RSF1: variants seen among roughly 807,000 people sequenced by gnomAD.
The protein encoded by RSF1 is HBV pX-associated protein 8.
RSF1 carries 13 observed loss-of-function variants against 145.2 expected under a neutral mutation model. That is an observed-to-expected ratio of 0.09 (90% CI 0.06 to 0.14). The LOEUF (loss-of-function observed/expected upper bound fraction) is 0.14, where lower values mean the gene tolerates loss of function less well. Ranked by LOEUF, RSF1 falls within the 10% of genes least tolerant of loss-of-function variation. RSF1 has a pLI of 1.00. For missense variants in RSF1, 1,517 were observed against 1,718.2 expected, an observed-to-expected ratio of 0.88 and a Z score of 2.07; for synonymous variants, 577 against 592.6, an observed-to-expected ratio of 0.97 and a Z score of 0.38.
intron 7 of RSF1, among the ~76,000 whole-genome samples, chr11:77,694,833 C>T (rs1244602821): frequency 2.6e-5 from 4 of 152,078 alleles, no homozygotes; most frequent in Admixed American, 6.5e-5. Context: ...CTTTGTCTTC[C>T]CTGACCGACA....
chr11:77,672,047 C>T lies in RSF1; in HGVS notation c.3746G>A (p.Ser1249Asn), dbSNP rs1651035935. Residue 1249 changes from serine to asparagine, a missense_variant, in exon 15 of 16, where the codon AGT (serine) becomes AAT (asparagine). By Grantham distance (46) the Ser-to-Asn change is conservative. Around this residue, in one of 12 missense-constraint regions of RSF1, gnomAD observed 240 missense variants for 231.8 expected, o/e 1.04. Transcript: ENST00000308488. Reference protein sequence around the residue: ...VHKRRLSSSESEESYLSKNSE... With the variant: ...VHKRRLSSSENEESYLSKNSE... ...ATAGGAGACCTATGCCTTACCTTCA[C>T]TCTCTGAGCTGGAAAGTCTTCGCTT... 2 of 1,609,662 alleles carry T rather than the reference C, an allele frequency of 1.2e-6. No homozygotes were observed. Among genetic ancestry groups the T allele is most frequent in the Non-Finnish European group, 1.7e-6 (2 of 1,178,968 alleles).
chr11:77,724,003 A>T (rs1369535724), intron 5 of RSF1, among the ~76,000 whole-genome samples: 2 of 152,206 alleles, frequency 1.3e-5, no homozygotes, highest in Non-Finnish European at 2.9e-5. Flanking sequence ...CTCAATCAGA[A>T]ATCAGGTTTA....
At chr11:77,759,584 T>C (rs1416293146) in intron 2 of RSF1, among the ~76,000 whole-genome samples, 1 of 152,148 alleles carries the variant, frequency 6.6e-6, no homozygotes, top group Non-Finnish European at 1.5e-5. Flanking sequence ...CTCAGGAGGC[T>C]GAGGCAGGAG....
chr11:77,872,019 G>A, the RSF1 span: 3 of 621,702 alleles, frequency 4.8e-6, no homozygotes, highest in South Asian at 3.3e-5. Context: ...GACTCATTGG[G>A]GCTCACTGCC....
At chr11:77,767,142 G>T (rs894911696) in intron 1 of RSF1, among the ~76,000 whole-genome samples, 2 of 152,122 alleles carry the variant, frequency 1.3e-5, no homozygotes, top group African/African-American at 4.8e-5. Context: ...CTATCTCATG[G>T]AATTTTGAAA....
chr11:77,830,470 C>G, the RSF1 span, among the ~76,000 whole-genome samples: 2 of 149,556 alleles, frequency 1.3e-5, no homozygotes, highest in African/African-American at 2.5e-5. Context: ...AAACTGCTGA[C>G]GACACCCACC....
chr11:77,841,050 G>A, the RSF1 span: 2 of 587,518 alleles, frequency 3.4e-6, no homozygotes, highest in East Asian at 2.8e-5. Context: ...AGACCAGTTG[G>A]CTCGCATCTG....
Position 77,805,180 on chromosome 11 carries a change from A to T in RSF1, c.187+15348T>A, listed in dbSNP as rs1390091077. Among the ~76,000 whole-genome samples, 4 of 152,226 alleles carry T rather than the reference A, an allele frequency of 2.6e-5. No individual in the cohort carries two copies. The East Asian group carries it at 7.7e-4, about 29-fold the overall frequency. ...CCTTTTTTTTGCAAATAAAAATGAC[A>T]GAATGTCTTGGCAGGGCACAGGCTC... On this transcript the variant is annotated intron_variant, in intron 1 of 15. Transcript: ENST00000308488.
chr11:77,868,664 T>C, the RSF1 span: 1 of 163,984 alleles, frequency 6.1e-6, no homozygotes. Context: ...TAATGTACAG[T>C]CCAGAGGTTT....
chr11:77,743,279 T>C (rs147277116), intron 3 of RSF1, among the ~76,000 whole-genome samples: 121 of 152,314 alleles, frequency 7.9e-4, no homozygotes, highest in African/African-American at 2.7e-3. Flanking sequence ...AACAATGCCA[T>C]TGGAATTTGA....
chr11:77,831,862 ATTTTTT>A, the RSF1 span: 22 of 80,814 alleles, frequency 2.7e-4, 1 homozygote, highest in South Asian at 7.5e-3. Context: ...TGCCTGGCTA[ATTTTTT>A]TTTTTTTTTT....
At position 77,698,782 on chromosome 11, in the gene RSF1, T is replaced by G. The variant is rs1460482399; in HGVS notation, c.2509-89A>C. The G allele has an allele frequency of 3.7e-6, 4 of 1,093,666 alleles. No individual in the cohort carries two copies. The Admixed American group carries it at 7.9e-5, about 22-fold the overall frequency. 67.7% of individuals were successfully genotyped at this position (1,093,666 alleles called of 1,614,324 possible). A position where few individuals can be genotyped will look rare whatever the true frequency, so the allele number is the denominator to read the frequency against. ...TTACATGTCCATTGTATAATAATAT[T>G]CAGCCAATATACCAAAAAAAGAGGA... On this transcript the variant is annotated intron_variant, in intron 6 of 15. Transcript: ENST00000308488.
chr11:77,714,062 A>G (rs936004197), intron 5 of RSF1, among the ~76,000 whole-genome samples: 3 of 152,344 alleles, frequency 2.0e-5, no homozygotes, highest in Admixed American at 1.3e-4. Flanking sequence ...GAAATACTCA[A>G]ATTAAAGCAA....
At chr11:77,825,424 A>G (rs1435692712), upstream of RSF1, among the ~76,000 whole-genome samples, 1 of 152,222 alleles carries the variant, frequency 6.6e-6, no homozygotes. Flanking sequence ...AAGCTAAAAC[A>G]AGCTGCGCAC....
chr11:77,734,550 C>T (rs1277266475), intron 4 of RSF1: 1 of 1,557,250 alleles, frequency 6.4e-7, no homozygotes, highest in African/African-American at 1.4e-5. Context: ...CGAGTGCTCC[C>T]ATCTTGTGCA....
At chr11:77,716,619 G>C (rs1424404454) in intron 5 of RSF1, among the ~76,000 whole-genome samples, 1 of 152,098 alleles carries the variant, frequency 6.6e-6, no homozygotes, top group Non-Finnish European at 1.5e-5. Flanking sequence ...TGAAGGTGTG[G>C]GGAGATGCTG....
chr11:77,728,866 T>TAAA (rs550635070), intron 4 of RSF1, among the ~76,000 whole-genome samples: 2,601 of 144,014 alleles, frequency 0.018, 65 homozygotes, highest in African/African-American at 0.061. Flanking sequence ...GCATAACTTG[T>TAAA]AAAAAAAAAA....
Position 77,702,216 on chromosome 11 carries a change from C to T in RSF1, c.1013G>A (p.Ser338Asn). 1.2e-6 allele frequency: 2 copies of T among 1,613,918 alleles called. No homozygotes were observed. Among genetic ancestry groups the T allele is most frequent in the South Asian group, 1.1e-5 (1 of 91,012 alleles). The change falls in exon 6 of 16, where the codon AGT becomes AAT. Residue 338 changes from serine to asparagine, a missense_variant. Ser to Asn is a conservative substitution (Grantham distance 46, BLOSUM62 1). This residue lies in a region of RSF1 where 207 missense variants were observed against 191.4 expected (regional missense o/e 1.08). Coordinates refer to ENST00000308488, the MANE Select transcript of RSF1 (RefSeq NM_016578.4). Reference protein sequence around the residue: ...ECRADPKDTKSSMEKPVAQEP... With the variant: ...ECRADPKDTKNSMEKPVAQEP... ...CTGTGCCACTGGCTTCTCCATGCTA[C>T]TTTTGGTATCTTTAGGATCTGCTCT...
chr11:77,789,536 C>G (rs1948495057), intron 1 of RSF1, among the ~76,000 whole-genome samples: 1 of 152,152 alleles, frequency 6.6e-6, no homozygotes, highest in Non-Finnish European at 1.5e-5. Context: ...ATGGCCACAG[C>G]TGAGGCGCGA....
Sources: allele counts gnomAD v4.1 joint callset (sites outside exome capture counted in the v4.1 genomes callset), GRCh38; gene constraint gnomAD v4.1.1; regional missense constraint gnomAD v4.1.1; transcripts MANE v1.5; gene names NCBI Gene and HGNC (gene_info 2026-07-23, HGNC 2026-07-21).